SLC37A1: variants seen among roughly 807,000 people sequenced by gnomAD.
SLC37A1 encodes solute carrier family 37 member 1, also known as glucose-6-phosphate exchanger SLC37A1.
SLC37A1 carries 49 observed loss-of-function variants against 75.3 expected under a neutral mutation model. The observed-to-expected ratio is 0.65, with a 90% CI of 0.52 to 0.83. The LOEUF (loss-of-function observed/expected upper bound fraction) is 0.83, where lower values mean the gene tolerates loss of function less well. Ranked by LOEUF, SLC37A1 falls within the 40% of genes least tolerant of loss-of-function variation. The pLI is 0.00. For missense variants in SLC37A1, 566 were observed against 695.0 expected (o/e 0.81, Z 2.09); for synonymous variants, 268 against 292.1 (o/e 0.92, Z 0.84).
rs746055577 is a variant in SLC37A1 at position 42,558,972 on chromosome 21, G to C, written c.864G>C (p.Gln288His). The change falls in exon 11 of 20, where the codon CAG becomes CAC. Residue 288 changes from glutamine to histidine, a missense_variant. Coordinates refer to ENST00000352133, the MANE Select transcript of SLC37A1 (RefSeq NM_001320537.2). ...EKNKPLDPEMQCLLLSDGKGS... is the reference protein window; with the variant it reads ...EKNKPLDPEMHCLLLSDGKGS... Reference sequence around the variant, plus strand: ...TTTGCCTCCAGGACCCAGAGATGCAGTGCCTGCTGCTCTCAGATGGGAAGG... The same window carrying C: ...TTTGCCTCCAGGACCCAGAGATGCACTGCCTGCTGCTCTCAGATGGGAAGG... 3.7e-6 allele frequency: 6 copies of C among 1,613,786 alleles called. No individual in the cohort carries two copies. The African/African-American group carries it at 8.0e-5, about 22-fold the overall frequency.
chr21:42,529,552 C>T (rs1457187687), intron 3 of SLC37A1, among the ~76,000 whole-genome samples: 1 of 151,976 alleles, frequency 6.6e-6, no homozygotes, highest in Non-Finnish European at 1.5e-5. Context: ...GAGACTCCAT[C>T]TCAAAAAAGT....
intron 11 of SLC37A1, 151 bp downstream of exon 11, chr21:42,559,240 C>CTA (rs1339816265): frequency 1.0e-6 from 1 of 975,130 alleles, no homozygotes; most frequent in African/African-American, 1.7e-5. Context: ...CTGCACAGTG[C>CTA]TAGCTTCAGG....
At chr21:42,531,948 C>T (rs989428454) in intron 3 of SLC37A1, among the ~76,000 whole-genome samples, 3 of 152,058 alleles carry the variant, frequency 2.0e-5, no homozygotes, top group Admixed American at 6.6e-5. Flanking sequence ...GGCGCCCGGA[C>T]TCACAGTGGC....
intron 2 of SLC37A1, among the ~76,000 whole-genome samples, chr21:42,525,038 C>G (rs568371537): frequency 6.6e-6 from 1 of 152,298 alleles, no homozygotes; most frequent in African/African-American, 2.4e-5. Flanking sequence ...GTAATGAGGC[C>G]TCCACAGACT....
intron 10 of SLC37A1, among the ~76,000 whole-genome samples, chr21:42,554,847 T>C (rs1382387208): frequency 1.7e-4 from 26 of 152,204 alleles, no homozygotes; most frequent in African/African-American, 6.3e-4. Flanking sequence ...TTGATCCTTG[T>C]AGAGGCTCCT....
At chr21:42,572,884 A>G (rs541589343) in intron 17 of SLC37A1, among the ~76,000 whole-genome samples, 1 of 152,010 alleles carries the variant, frequency 6.6e-6, no homozygotes, top group Non-Finnish European at 1.5e-5. Context: ...TTGCCCCTTC[A>G]TCACTTCCCA....
At chr21:42,507,917 A>G (rs796406990) in intron 2 of SLC37A1, among the ~76,000 whole-genome samples, 42 of 152,240 alleles carry the variant, frequency 2.8e-4, no homozygotes, top group African/African-American at 9.9e-4. Flanking sequence ...TCAACATGAG[A>G]TTTGGAGGGG....
intron 10 of SLC37A1, among the ~76,000 whole-genome samples, chr21:42,556,507 T>G (rs2055695349): frequency 6.6e-6 from 1 of 152,110 alleles, no homozygotes; most frequent in Admixed American, 6.5e-5. Flanking sequence ...TATTACGCAG[T>G]CCCCCCACAT....
At chr21:42,505,580 C>A (rs543877482) in intron 2 of SLC37A1, among the ~76,000 whole-genome samples, 3 of 152,232 alleles carry the variant, frequency 2.0e-5, no homozygotes, top group African/African-American at 7.2e-5. Context: ...GAGGCATGAC[C>A]CCTCAGAGTC....
At chr21:42,568,756 T>C (rs2147020613) in intron 17 of SLC37A1, among the ~76,000 whole-genome samples, 1 of 152,190 alleles carries the variant, frequency 6.6e-6, no homozygotes, top group African/African-American at 2.4e-5. Flanking sequence ...AAAGGCAGAA[T>C]CTTATTTAAA....
intron 3 of SLC37A1, among the ~76,000 whole-genome samples, chr21:42,531,241 G>A (rs574050982): frequency 3.3e-5 from 5 of 152,348 alleles, no homozygotes; most frequent in South Asian, 4.1e-4. Context: ...CACACTCGTC[G>A]CGCTGTGACT....
At chr21:42,530,625 CACACACACACACACACACACACACA>C (rs2054927221) in intron 3 of SLC37A1, among the ~76,000 whole-genome samples, 1 of 106,658 alleles carries the variant, frequency 9.4e-6, no homozygotes, top group Non-Finnish European at 2.1e-5. Flanking sequence ...CACACACACA[CACACACACACACACACACACACACA>C]CACACCCCCT....
intron 2 of SLC37A1, among the ~76,000 whole-genome samples, chr21:42,525,367 T>G (rs1300451985): frequency 6.6e-6 from 1 of 152,218 alleles, no homozygotes; most frequent in African/African-American, 2.4e-5. Context: ...CGGGGCAGCC[T>G]CGGCCGGAGC....
intron 17 of SLC37A1, among the ~76,000 whole-genome samples, chr21:42,570,760 T>G (rs2056139096): frequency 6.6e-6 from 1 of 152,100 alleles, no homozygotes; most frequent in East Asian, 1.9e-4. Flanking sequence ...ATTCTCAAAA[T>G]GAGAGGGAAG....
At chr21:42,513,781 C>A (rs947802396), upstream of SLC37A1, 8 of 146,034 alleles carry the variant, frequency 5.5e-5, no homozygotes, top group Non-Finnish European at 1.2e-4. Flanking sequence ...GGAGGAGCCG[C>A]GCGGCTCCGC....
In SLC37A1 at chr21:42,543,422, T is replaced by G; in HGVS notation, c.564-14T>G. 1 of 1,614,174 alleles carries G rather than the reference T, an allele frequency of 6.2e-7. No homozygotes were observed. On this transcript the variant is annotated splice_polypyrimidine_tract_variant and intron_variant, in intron 7 of 19. Transcript: ENST00000352133. Reference sequence around the variant, plus strand: ...TCAGCTCCATCTTCTGTCTTCTGTTTTGTTGTGCTGCAGGAGAGGTTTGAT... The same window carrying G: ...TCAGCTCCATCTTCTGTCTTCTGTTGTGTTGTGCTGCAGGAGAGGTTTGAT...
At chr21:42,535,387 C>T (rs1486512719) in intron 4 of SLC37A1, 85 bp from the exon 5 acceptor site, 1 of 1,194,560 alleles carries the variant, frequency 8.4e-7, no homozygotes, top group Non-Finnish European at 1.2e-6. Context: ...ATTTCGGGAA[C>T]AGATGCTTTG....
chr21:42,534,736 T>C lies in SLC37A1; in HGVS notation c.177T>C (p.Ala59=). 1 of 1,613,992 alleles carries C rather than the reference T, an allele frequency of 6.2e-7. No homozygotes were observed. The highest frequency in any genetic ancestry group is 1.3e-5 in the African/African-American group (1 of 75,024). ...LHKYCTAWDE[A]DVRFSSQNRK... The stretch of plus-strand genomic sequence containing the variant: ...AGTACTGCACTGCTTGGGATGAAGC[T>C]GACGTCAGGTTCAGCAGCCAGAACA... Residue 59 remains alanine (A), a synonymous_variant, in exon 4 of 20, where the codon GCT becomes GCC. Transcript: ENST00000352133.
chr21:42,563,558 G>A (rs1195244368), intron 12 of SLC37A1, among the ~76,000 whole-genome samples: 1 of 152,204 alleles, frequency 6.6e-6, no homozygotes, highest in Non-Finnish European at 1.5e-5. Flanking sequence ...ATGGCGGAGG[G>A]GCCCCTGGGG....
Sources: allele counts gnomAD v4.1 joint callset (sites outside exome capture counted in the v4.1 genomes callset), GRCh38; gene constraint gnomAD v4.1.1; transcripts MANE v1.5; gene names NCBI Gene and HGNC (gene_info 2026-07-23, HGNC 2026-07-21).